The following NXPE2 variants were observed in gnomAD, a reference collection of about 807,000 sequenced individuals.
NXPE2 encodes the protein NXPE family member 2.
In NXPE2, 34 loss-of-function variants were observed where a neutral mutation model predicts 34.4. That is an observed-to-expected ratio of 0.99 (90% CI 0.75 to 1.31). NXPE2 has a LOEUF of 1.31. Ranked by LOEUF, NXPE2 falls within the 40% of genes most tolerant of loss-of-function variation. The probability of loss-of-function intolerance (pLI) is 0.00; values close to 1 mark genes in which losing one functional copy is unlikely to be tolerated. For synonymous variants in NXPE2, 235 were observed against 231.3 expected (o/e 1.02, Z -0.15); for missense variants, 649 against 672.5 (o/e 0.97, Z 0.39).
chr11:114,589,862 A>G, the NXPE2 span, among the ~76,000 whole-genome samples: 3 of 152,184 alleles, frequency 2.0e-5, no homozygotes, highest in Non-Finnish European at 4.4e-5. Flanking sequence ...CAAAAACCCA[A>G]TGCAGAATGG....
the NXPE2 span, among the ~76,000 whole-genome samples, chr11:114,502,366 T>C: frequency 2.8e-4 from 42 of 152,318 alleles, no homozygotes; most frequent in Non-Finnish European, 5.1e-4. Context: ...TTCATGTCTC[T>C]AGCCTTATTT....
chr11:114,586,381 G>A, the NXPE2 span, among the ~76,000 whole-genome samples: 1 of 152,142 alleles, frequency 6.6e-6, no homozygotes, highest in South Asian at 2.1e-4. Flanking sequence ...CATAGAAGGG[G>A]GAGTATAGAA....
the NXPE2 span, among the ~76,000 whole-genome samples, chr11:114,783,334 AC>A: frequency 1.3e-5 from 2 of 152,024 alleles, no homozygotes; most frequent in Non-Finnish European, 2.9e-5. Context: ...TACTGTTCCC[AC>A]CTGAGGGGCC....
intron 4 of NXPE2, among the ~76,000 whole-genome samples, chr11:114,704,992 T>A (rs1003132296): frequency 6.6e-6 from 1 of 152,238 alleles, no homozygotes; most frequent in Non-Finnish European, 1.5e-5. Context: ...AATCTGATGT[T>A]ATTCAATACG....
the NXPE2 span, among the ~76,000 whole-genome samples, chr11:114,468,156 A>G: frequency 6.6e-6 from 1 of 151,508 alleles, no homozygotes; most frequent in African/African-American, 2.4e-5. Context: ...AAAATTGCAA[A>G]AAGTCTCATT....
At chr11:114,626,052 G>A in the NXPE2 span, among the ~76,000 whole-genome samples, 303 of 152,324 alleles carry the variant, frequency 2.0e-3, 1 homozygote, top group African/African-American at 7.0e-3. Context: ...CTGATTGCTA[G>A]CACAGCAGTC....
chr11:114,540,069 C>T, the NXPE2 span, among the ~76,000 whole-genome samples: 1 of 152,222 alleles, frequency 6.6e-6, no homozygotes, highest in African/African-American at 2.4e-5. Flanking sequence ...GATTCTCCTG[C>T]CTCAGCCGCC....
chr11:114,773,258 T>C, the NXPE2 span, among the ~76,000 whole-genome samples: 3 of 143,546 alleles, frequency 2.1e-5, no homozygotes, highest in African/African-American at 7.7e-5. Context: ...GGCAAGCCCA[T>C]GCCCTACACA....
chr11:114,620,877 G>C, the NXPE2 span, among the ~76,000 whole-genome samples: 5 of 152,114 alleles, frequency 3.3e-5, no homozygotes, highest in Non-Finnish European at 7.4e-5. Context: ...TGGATAATAA[G>C]TATTGCCTCA....
chr11:114,653,525 T>G, the NXPE2 span, among the ~76,000 whole-genome samples: 78 of 140,880 alleles, frequency 5.5e-4, 1 homozygote, highest in Admixed American at 4.4e-3. Flanking sequence ...ACCCTTGTCC[T>G]GCTTTCCCTT....
chr11:114,565,353 T>C, the NXPE2 span, among the ~76,000 whole-genome samples: 2 of 152,306 alleles, frequency 1.3e-5, no homozygotes, highest in East Asian at 3.9e-4. Flanking sequence ...ACATTCCACT[T>C]ACTCCCTGGC....
the NXPE2 span, among the ~76,000 whole-genome samples, chr11:114,786,378 A>G: frequency 6.9e-5 from 7 of 100,854 alleles, no homozygotes; most frequent in East Asian, 2.1e-3. Flanking sequence ...GCCCCACCCC[A>G]CATGACTTAA....
chr11:114,649,986 G>C, the NXPE2 span, among the ~76,000 whole-genome samples: 3 of 152,170 alleles, frequency 2.0e-5, no homozygotes, highest in African/African-American at 7.2e-5. Context: ...GCATCCCATA[G>C]AGTTCTATTT....
the NXPE2 span, among the ~76,000 whole-genome samples, chr11:114,751,649 A>G: frequency 2.6e-5 from 4 of 152,174 alleles, no homozygotes; most frequent in Admixed American, 1.3e-4. Flanking sequence ...CTGCTACAAC[A>G]GTCATTGTGG....
chr11:114,612,135 C>G, the NXPE2 span, among the ~76,000 whole-genome samples: 15 of 152,038 alleles, frequency 9.9e-5, no homozygotes, highest in Non-Finnish European at 2.2e-4. Context: ...ATAATTGTTG[C>G]CTCGTGGGTA....
At chr11:114,540,463 A>G in the NXPE2 span, among the ~76,000 whole-genome samples, 1 of 152,234 alleles carries the variant, frequency 6.6e-6, no homozygotes, top group Non-Finnish European at 1.5e-5. Flanking sequence ...CCTAGTCCAC[A>G]TATATACATA....
At chr11:114,515,072 TA>T in the NXPE2 span, among the ~76,000 whole-genome samples, 1 of 151,980 alleles carries the variant, frequency 6.6e-6, no homozygotes, top group Admixed American at 6.6e-5. Flanking sequence ...ATAATATCCA[TA>T]GTTTTGTTTT....
chr11:114,736,329 T>C, the NXPE2 span, among the ~76,000 whole-genome samples: 2 of 152,264 alleles, frequency 1.3e-5, no homozygotes, highest in African/African-American at 2.4e-5. Flanking sequence ...GGCTCGATCA[T>C]AGAAGATGGC....
chr11:114,527,823 G>C, the NXPE2 span: 1 of 1,590,530 alleles, frequency 6.3e-7, no homozygotes, highest in African/African-American at 1.4e-5. Flanking sequence ...ACCTAACTCA[G>C]GACAGAGCCA....
Sources: allele counts gnomAD v4.1 joint callset (sites outside exome capture counted in the v4.1 genomes callset), GRCh38; gene constraint gnomAD v4.1.1; transcripts MANE v1.5; gene names NCBI Gene and HGNC (gene_info 2026-07-23, HGNC 2026-07-21).